Variants in PPP3CB observed in about 807,000 individuals in gnomAD.
PPP3CB encodes the protein protein phosphatase 3 catalytic subunit beta, also known as serine/threonine-protein phosphatase 2B catalytic subunit beta isoform.
In PPP3CB, 8 loss-of-function variants were observed where a neutral mutation model predicts 66.4. The ratio of observed to expected loss-of-function variants is 0.12; its 90% CI spans 0.07 to 0.22. The LOEUF (loss-of-function observed/expected upper bound fraction) is 0.22. Ranked by LOEUF, PPP3CB falls within the 10% of genes least tolerant of loss-of-function variation. The pLI, the probability that PPP3CB is intolerant of heterozygous loss-of-function variation, is 1.00. For synonymous variants in PPP3CB, 208 were observed against 221.2 expected (o/e 0.94, Z 0.53); for missense variants, 319 against 642.5 (o/e 0.50, Z 5.44).
intron 1 of PPP3CB, among the ~76,000 whole-genome samples, chr10:73,486,253 T>C (rs1180370279): frequency 6.6e-6 from 1 of 150,866 alleles, no homozygotes; most frequent in Non-Finnish European, 1.5e-5. Context: ...CAATTTTTTG[T>C]AGTTTTAGTA....
chr10:73,489,362 C>A (rs1311340834), intron 1 of PPP3CB, among the ~76,000 whole-genome samples: 1 of 151,588 alleles, frequency 6.6e-6, no homozygotes, highest in African/African-American at 2.4e-5. Flanking sequence ...CCAGAATTAG[C>A]CATCAAAAAA....
chr10:73,495,624 G>A (rs2057188618), intron 1 of PPP3CB, 181 bp downstream of exon 1: 2 of 897,900 alleles, frequency 2.2e-6, no homozygotes, highest in Non-Finnish European at 3.0e-6. Context: ...GGAGACCGCG[G>A]AACCACTGCC....
intron 4 of PPP3CB, among the ~76,000 whole-genome samples, chr10:73,472,524 T>TAA (rs1260063301): frequency 2.6e-5 from 4 of 151,902 alleles, no homozygotes; most frequent in African/African-American, 9.7e-5. Flanking sequence ...AGAAATCTCT[T>TAA]AAAAACAGCT....
chr10:73,491,766 G>T (rs923778680), intron 1 of PPP3CB, among the ~76,000 whole-genome samples: 2 of 151,944 alleles, frequency 1.3e-5, no homozygotes, highest in East Asian at 1.9e-4. Flanking sequence ...TCAGGAGATC[G>T]AGACCAGCCT....
intron 9 of PPP3CB, among the ~76,000 whole-genome samples, chr10:73,457,574 C>T (rs1477219791): frequency 6.6e-6 from 1 of 151,774 alleles, no homozygotes; most frequent in Admixed American, 6.6e-5. Context: ...CCTGTCTCTA[C>T]TAAAAATACA....
In PPP3CB at chr10:73,471,173, T is replaced by A. The variant is rs373930579; in HGVS notation, c.706A>T (p.Met236Leu). The change falls in exon 6 of 14, where the codon ATG (methionine) becomes TTG (leucine). Residue 236 changes from methionine to leucine, a missense_variant. By Grantham distance (15) the Met-to-Leu change is conservative. This residue lies in a region of PPP3CB where 120 missense variants were observed against 331.2 expected (regional missense o/e 0.36). Transcript: ENST00000360663. ...GGATCGGACCATAACAAGTCACACATTGGTCCAAATGCAGGTGGCTCTTTG... is the reference window on the plus strand; with the variant it reads ...GGATCGGACCATAACAAGTCACACAATGGTCCAAATGCAGGTGGCTCTTTG... ...RFKEPPAFGP[M>L]CDLLWSDPSE... 1 of 1,609,468 alleles carries A rather than the reference T, an allele frequency of 6.2e-7. No homozygotes were observed. Among genetic ancestry groups the A allele is most frequent in the Non-Finnish European group, 8.5e-7 (1 of 1,176,332 alleles).
At chr10:73,488,466 A>G (rs2057023309) in intron 1 of PPP3CB, among the ~76,000 whole-genome samples, 1 of 150,808 alleles carries the variant, frequency 6.6e-6, no homozygotes, top group African/African-American at 2.4e-5. Flanking sequence ...GGATCGCTTG[A>G]GCCCAGAAGT....
rs2057221416 is a variant in PPP3CB, at chr10:73,495,940, G to A, written c.-51C>T. 5 of 1,075,950 alleles carry A rather than the reference G, an allele frequency of 4.6e-6. No homozygotes were observed. The highest frequency in any genetic ancestry group is 1.6e-5 in the African/African-American group (1 of 60,808). 66.7% of individuals were successfully genotyped at this position (1,075,950 alleles called of 1,614,324 possible). A position where few individuals can be genotyped will look rare whatever the true frequency, so the allele number is the denominator to read the frequency against. On this transcript the variant is annotated 5_prime_UTR_variant, in exon 1 of 14. Coordinates refer to ENST00000360663, the MANE Select transcript of PPP3CB (RefSeq NM_021132.4). ...CTGGGCCGGGCGGGGTTGGGGGCGGGGGCGGCGGCTACCAGAGCCAAGCGG... is the reference window on the plus strand; with the variant it reads ...CTGGGCCGGGCGGGGTTGGGGGCGGAGGCGGCGGCTACCAGAGCCAAGCGG...
At chr10:73,470,144 TAAAG>T (rs1312443715) in intron 8 of PPP3CB, among the ~76,000 whole-genome samples, 1 of 150,492 alleles carries the variant, frequency 6.6e-6, no homozygotes, top group Admixed American at 6.6e-5. Flanking sequence ...GCAGTAAAAA[TAAAG>T]AGAAGAATGT....
intron 1 of PPP3CB, among the ~76,000 whole-genome samples, chr10:73,489,783 C>A (rs969983908): frequency 6.6e-6 from 1 of 152,154 alleles, no homozygotes; most frequent in Non-Finnish European, 1.5e-5. Flanking sequence ...CACTCCTTGC[C>A]AAGCACTTCA....
rs113693937 is a variant in PPP3CB, at chr10:73,495,850, G to A, written c.40C>T (p.Pro14Ser). Reference sequence around the variant, plus strand: ...CCGGGAGGGGGCGGCGGGGGCGGGGGTGGGGGCGGTGCAGCCCGGGCCGGC... The same window carrying A: ...CCGGGAGGGGGCGGCGGGGGCGGGGATGGGGGCGGTGCAGCCCGGGCCGGC... ...PEPARAAPPP[P>S]PPPPPPPGAD... Residue 14 changes from proline (P) to serine (S), a missense_variant, in exon 1 of 14, where the codon CCC (proline) becomes TCC (serine). Physicochemically the swap from Pro to Ser is moderately conservative, Grantham distance 74 (BLOSUM62 -1). Coordinates refer to ENST00000360663, the MANE Select transcript of PPP3CB (RefSeq NM_021132.4). 4.8e-6 allele frequency: 7 copies of A among 1,465,464 alleles called. No homozygotes were observed. The highest frequency in any genetic ancestry group is 3.1e-5 in the East Asian group (1 of 32,726). The allele number at this position is 1,465,464 out of a possible 1,614,324, so 90.8% of individuals were successfully genotyped here.
At chr10:73,484,745 G>A (rs1030874088) in intron 1 of PPP3CB, among the ~76,000 whole-genome samples, 1 of 151,732 alleles carries the variant, frequency 6.6e-6, no homozygotes, top group African/African-American at 2.4e-5. Context: ...ATATTTGTTG[G>A]AACAACCTAA....
intron 1 of PPP3CB, among the ~76,000 whole-genome samples, chr10:73,486,233 C>T (rs1289228875): frequency 1.3e-5 from 2 of 151,742 alleles, no homozygotes; most frequent in Non-Finnish European, 2.9e-5. Flanking sequence ...CGTGAGCCAC[C>T]ACGCCCAGCC....
chr10:73,486,864 C>G (rs1341351997), intron 1 of PPP3CB, among the ~76,000 whole-genome samples: 3 of 152,160 alleles, frequency 2.0e-5, no homozygotes, highest in Non-Finnish European at 4.4e-5. Context: ...TACCCTTGTC[C>G]CTGCTATCTA....
chr10:73,458,687 T>A lies in PPP3CB; in HGVS notation c.1109-4198A>T, dbSNP rs547211880. Among the ~76,000 whole-genome samples the A allele has an allele frequency of 2.0e-5, 3 of 150,178 alleles. No homozygotes were observed. In the South Asian group the frequency reaches 6.2e-4, roughly 31 times the overall value. On this transcript the variant is annotated intron_variant, in intron 9 of 13. Transcript: ENST00000360663. ...TAAAATATATTTTACATATGTAAAGTATATGTTTATATATTAAAATGTATA... is the reference window on the plus strand; with the variant it reads ...TAAAATATATTTTACATATGTAAAGAATATGTTTATATATTAAAATGTATA...
At chr10:73,448,261 T>C (rs535157139) in intron 10 of PPP3CB, among the ~76,000 whole-genome samples, 4 of 152,230 alleles carry the variant, frequency 2.6e-5, no homozygotes, top group African/African-American at 4.8e-5. Flanking sequence ...CACAGGAATA[T>C]AAAAACACTG....
At chr10:73,478,895 G>A (rs1409622374) in intron 2 of PPP3CB, among the ~76,000 whole-genome samples, 3 of 152,168 alleles carry the variant, frequency 2.0e-5, no homozygotes, top group African/African-American at 7.2e-5. Flanking sequence ...GGACTCCAAG[G>A]ATGTGTTTTA....
chr10:73,461,556 T>G (rs1589696792), intron 9 of PPP3CB, among the ~76,000 whole-genome samples: 2 of 152,238 alleles, frequency 1.3e-5, no homozygotes, highest in Non-Finnish European at 2.9e-5. Flanking sequence ...CAGGAATGTT[T>G]ATTTTATCCA....
chr10:73,449,913 T>A (rs115717094), intron 10 of PPP3CB, among the ~76,000 whole-genome samples: 7,074 of 152,066 alleles, frequency 0.047, 504 homozygotes, highest in African/African-American at 0.15. Context: ...CTCCTGCCTC[T>A]GCCTTCAAAA....
Sources: allele counts gnomAD v4.1 joint callset (sites outside exome capture counted in the v4.1 genomes callset), GRCh38; gene constraint gnomAD v4.1.1; regional missense constraint gnomAD v4.1.1; transcripts MANE v1.5; gene names NCBI Gene and HGNC (gene_info 2026-07-23, HGNC 2026-07-21).